The following LRGUK variants were observed in gnomAD, a reference collection of about 807,000 sequenced individuals.
LRGUK encodes leucine-rich repeat and guanylate kinase domain-containing protein.
Under a neutral mutation model 76.0 loss-of-function variants are expected in LRGUK, and 65 were observed. The ratio of observed to expected loss-of-function variants is 0.85; its 90% CI spans 0.70 to 1.05. The LOEUF (loss-of-function observed/expected upper bound fraction) is 1.05. Ranked by LOEUF, LRGUK falls within the 50% of genes least tolerant of loss-of-function variation. The pLI, the probability that LRGUK is intolerant of heterozygous loss-of-function variation, is 0.00. For synonymous variants in LRGUK, 268 were observed against 265.6 expected (o/e 1.01, Z -0.09); for missense variants, 758 against 732.8 (o/e 1.03, Z -0.40).
At chr7:134,245,077 C>G (rs1054334077) in intron 16 of LRGUK, among the ~76,000 whole-genome samples, 1 of 151,982 alleles carries the variant, frequency 6.6e-6, no homozygotes, top group Admixed American at 6.6e-5. Context: ...AGGAGATATA[C>G]CTAATGTAAA....
intron 12 of LRGUK, among the ~76,000 whole-genome samples, chr7:134,195,719 G>A (rs1800449463): frequency 6.6e-6 from 1 of 152,104 alleles, no homozygotes; most frequent in South Asian, 2.1e-4. Context: ...TCTGAAAGGA[G>A]AGCCAGACAT....
At chr7:134,192,411 C>T (rs73441313) in intron 12 of LRGUK, among the ~76,000 whole-genome samples, 2,151 of 152,244 alleles carry the variant, frequency 0.014, 43 homozygotes, top group African/African-American at 0.049. Context: ...AGGTAATTAC[C>T]ATGCATTAGT....
chr7:134,200,289 A>T (rs1800713064), intron 14 of LRGUK, among the ~76,000 whole-genome samples: 1 of 151,788 alleles, frequency 6.6e-6, no homozygotes, highest in Admixed American at 6.6e-5. Flanking sequence ...CACCCTCCTC[A>T]GCCTCCCAAA....
intron 16 of LRGUK, among the ~76,000 whole-genome samples, chr7:134,223,575 G>A (rs771303042): frequency 2.0e-5 from 3 of 152,164 alleles, no homozygotes; most frequent in Non-Finnish European, 2.9e-5. Flanking sequence ...ATCAAATGTC[G>A]TTAGAAATGG....
Position 134,244,529 on chromosome 7 carries a change from G to A in LRGUK, c.1984-3027G>A, listed in dbSNP as rs534793599. Among the ~76,000 whole-genome samples, 60 of 152,262 alleles carry A rather than the reference G, an allele frequency of 3.9e-4. 1 individual carries two copies. The highest frequency in any genetic ancestry group is 1.3e-3 in the African/African-American group (55 of 41,546). The stretch of plus-strand genomic sequence containing the variant: ...ATACCATCTCACACCAGTTAGAATG[G>A]TGATCATTAAAAAGTCAGGAAACAA... On this transcript the variant is annotated intron_variant, in intron 16 of 19. Transcript: ENST00000285928.
intron 1 of LRGUK, among the ~76,000 whole-genome samples, chr7:134,129,885 G>A (rs1277045462): frequency 6.6e-6 from 1 of 152,134 alleles, no homozygotes; most frequent in African/African-American, 2.4e-5. Context: ...ATATTTCTGT[G>A]TTATGCCTGT....
chr7:134,173,194 G>C (rs1192847097), intron 7 of LRGUK, among the ~76,000 whole-genome samples: 3 of 152,142 alleles, frequency 2.0e-5, no homozygotes, highest in Non-Finnish European at 2.9e-5. Flanking sequence ...ATAGTATAAC[G>C]TTGCTCTAAC....
At chr7:134,187,758 C>A (rs953013012) in intron 11 of LRGUK, among the ~76,000 whole-genome samples, 2 of 152,094 alleles carry the variant, frequency 1.3e-5, no homozygotes, top group Non-Finnish European at 2.9e-5. Flanking sequence ...GAGGGCAACC[C>A]AAAACAATAT....
chr7:134,270,590 A>G, the LRGUK span, among the ~76,000 whole-genome samples: 1 of 152,092 alleles, frequency 6.6e-6, no homozygotes, highest in Non-Finnish European at 1.5e-5. Flanking sequence ...TATTCCTAAC[A>G]ATATATACTG....
At chr7:134,130,150 G>T (rs1426774654) in intron 1 of LRGUK, among the ~76,000 whole-genome samples, 1 of 151,974 alleles carries the variant, frequency 6.6e-6, no homozygotes, top group Non-Finnish European at 1.5e-5. Flanking sequence ...GTTGACCATA[G>T]AAAGCTATTA....
At chr7:134,227,635 C>T (rs1801796088) in intron 16 of LRGUK, among the ~76,000 whole-genome samples, 1 of 151,996 alleles carries the variant, frequency 6.6e-6, no homozygotes, top group African/African-American at 2.4e-5. Flanking sequence ...GTTATCAAAG[C>T]AAGACTTTAA....
intron 15 of LRGUK, among the ~76,000 whole-genome samples, chr7:134,203,431 A>G (rs1051180593): frequency 2.6e-5 from 4 of 152,180 alleles, no homozygotes; most frequent in African/African-American, 9.7e-5. Flanking sequence ...TGGCAGACTG[A>G]GGCAGGGCAG....
At chr7:134,199,982 T>TATATA (rs1554469577) in intron 14 of LRGUK, among the ~76,000 whole-genome samples, 10 of 38,412 alleles carry the variant, frequency 2.6e-4, no homozygotes, top group Admixed American at 7.6e-4. Flanking sequence ...CTAGAAACTT[T>TATATA]TATATATATA....
chr7:134,163,131 T>C (rs1438174937), intron 6 of LRGUK, among the ~76,000 whole-genome samples: 1 of 152,188 alleles, frequency 6.6e-6, no homozygotes, highest in Non-Finnish European at 1.5e-5. Flanking sequence ...CCTTTTTCTT[T>C]CTTACTGATT....
the LRGUK span, among the ~76,000 whole-genome samples, chr7:134,272,719 G>C: frequency 6.6e-6 from 1 of 152,136 alleles, no homozygotes; most frequent in Admixed American, 6.5e-5. Context: ...TACTTTGTCT[G>C]AATGACAGTA....
chr7:134,265,994 G>A (rs1802847798), downstream of LRGUK, among the ~76,000 whole-genome samples: 1 of 152,126 alleles, frequency 6.6e-6, no homozygotes, highest in African/African-American at 2.4e-5. Flanking sequence ...GGCCTAGTGG[G>A]GACCCTAAAC....
chr7:134,214,408 C>G (rs1801378300), downstream of LRGUK, among the ~76,000 whole-genome samples: 1 of 152,242 alleles, frequency 6.6e-6, no homozygotes, highest in South Asian at 2.1e-4. Flanking sequence ...TAATTCGAAT[C>G]TGAGGATTAT....
At chr7:134,235,517 C>T (rs371107558) in intron 16 of LRGUK, among the ~76,000 whole-genome samples, 1 of 152,276 alleles carries the variant, frequency 6.6e-6, no homozygotes, top group East Asian at 1.9e-4. Context: ...CTTGGCCCTC[C>T]CTAGCCCCTT....
chr7:134,198,070 C>G (rs1470406842), intron 13 of LRGUK, among the ~76,000 whole-genome samples: 1 of 114,652 alleles, frequency 8.7e-6, no homozygotes, highest in African/African-American at 3.0e-5. Flanking sequence ...CCTTTTGGCT[C>G]TTTGTGTTGG....
Sources: gnomAD v4.1 joint callset for allele counts (sites outside exome capture counted in the v4.1 genomes callset) on GRCh38, gnomAD v4.1.1 for gene constraint, MANE v1.5 for transcripts, NCBI Gene and HGNC (gene_info 2026-07-23, HGNC 2026-07-21) for gene names.